The following KLHDC10 variants were observed in gnomAD, a reference collection of about 807,000 sequenced individuals.
KLHDC10 encodes kelch domain containing 10.
Under a neutral mutation model 56.1 loss-of-function variants are expected in KLHDC10, and 24 were observed. That is an observed-to-expected ratio of 0.43 (90% CI 0.31 to 0.60). The LOEUF (loss-of-function observed/expected upper bound fraction) is 0.60. Among genes scored for constraint, KLHDC10 ranks in the 20% least tolerant of loss-of-function variants. The probability of loss-of-function intolerance (pLI) is 0.11; values close to 1 mark genes in which losing one functional copy is unlikely to be tolerated. For missense variants in KLHDC10, 349 were observed against 567.0 expected, an observed-to-expected ratio of 0.62 and a Z score of 3.91; for synonymous variants, 188 against 207.1, an observed-to-expected ratio of 0.91 and a Z score of 0.79.
intron 2 of KLHDC10, among the ~76,000 whole-genome samples, chr7:130,107,760 C>T (rs1011335514): frequency 6.9e-6 from 1 of 144,786 alleles, no homozygotes. Context: ...GGGAGAATTG[C>T]TCGAACCCAG....
intron 1 of KLHDC10, among the ~76,000 whole-genome samples, chr7:130,073,094 C>T (rs1273544081): frequency 6.7e-6 from 1 of 149,860 alleles, no homozygotes; most frequent in Non-Finnish European, 1.5e-5. Context: ...AGCGGCTGGT[C>T]GTGGTGGCTC....
chr7:130,101,831 G>GT (rs2116877769), intron 2 of KLHDC10, among the ~76,000 whole-genome samples: 1 of 152,058 alleles, frequency 6.6e-6, no homozygotes, highest in East Asian at 1.9e-4. Context: ...TTAGCCGGGC[G>GT]TGGTAGCAGG....
intron 1 of KLHDC10, among the ~76,000 whole-genome samples, chr7:130,083,228 A>G (rs1170657737): frequency 2.0e-5 from 3 of 152,116 alleles, no homozygotes; most frequent in African/African-American, 7.2e-5. Context: ...TATATCATCA[A>G]TTTAGTGAGT....
At chr7:130,072,727 A>C (rs1279663546) in intron 1 of KLHDC10, among the ~76,000 whole-genome samples, 1 of 151,382 alleles carries the variant, frequency 6.6e-6, no homozygotes, top group East Asian at 1.9e-4. Flanking sequence ...CGGGCCTTGG[A>C]GATAAAACCT....
chr7:130,084,692 G>A (rs1250553208), intron 1 of KLHDC10, among the ~76,000 whole-genome samples: 2 of 151,676 alleles, frequency 1.3e-5, no homozygotes, highest in Non-Finnish European at 2.9e-5. Context: ...CACAAGAATT[G>A]CTTGAACCCA....
chr7:130,127,414 A>G lies in KLHDC10; in HGVS notation c.942A>G (p.Ala314=). Residue 314 remains alanine, a synonymous_variant, in exon 8 of 10, where the codon GCA becomes GCG. Transcript: ENST00000335420. ...TKPHEKIGFP[A]ARRCHSCVQI... The stretch of plus-strand genomic sequence containing the variant: ...TTGTGTGTTTGGCAGGCTTTCCTGC[A>G]GCCCGAAGGTGTCACAGTTGTGTTC... 3.1e-6 allele frequency: 5 copies of G among 1,613,650 alleles called. No homozygotes were observed. The highest frequency in any genetic ancestry group is 4.2e-6 in the Non-Finnish European group (5 of 1,179,562).
At chr7:130,126,169 T>A (rs1796313406) in intron 7 of KLHDC10, among the ~76,000 whole-genome samples, 1 of 151,762 alleles carries the variant, frequency 6.6e-6, no homozygotes, top group South Asian at 2.1e-4. Flanking sequence ...TACAAAAAAA[T>A]TTGCTGGGCC....
intron 1 of KLHDC10, among the ~76,000 whole-genome samples, chr7:130,077,559 T>C (rs920574265): frequency 2.4e-4 from 33 of 137,558 alleles, no homozygotes; most frequent in South Asian, 4.9e-4. Context: ...TTCTTTCTTT[T>C]TTTTTTTTTT....
intron 1 of KLHDC10, among the ~76,000 whole-genome samples, chr7:130,089,843 A>G (rs1795746258): frequency 6.6e-6 from 1 of 152,084 alleles, no homozygotes; most frequent in African/African-American, 2.4e-5. Context: ...TAGCCACCTA[A>G]GTCAGAATTC....
At chr7:130,083,347 T>G (rs566935260) in intron 1 of KLHDC10, among the ~76,000 whole-genome samples, 1 of 152,322 alleles carries the variant, frequency 6.6e-6, no homozygotes, top group South Asian at 2.1e-4. Flanking sequence ...CTCCTTACCC[T>G]CACTCTATTT....
Position 130,135,091 on chromosome 7 carries a change from G to GAAAA in KLHDC10, c.*4363_*4366dup, listed in dbSNP as rs10707873. The GAAAA allele has an allele frequency of 7.0e-5, 9 of 127,912 alleles. No homozygotes were observed. The highest frequency in any genetic ancestry group is 2.1e-4 in the African/African-American group (6 of 29,042). The allele number at this position is 127,912 out of a possible 1,614,324, so 7.9% of individuals were successfully genotyped here. ...GGTGTAATTTTCATGTTTTTAATTT[G>GAAAA]AAAAAAAAAAAAAAAAAAAAACAAC... is the stretch of plus-strand genomic sequence containing the variant. On this transcript the variant is annotated 3_prime_UTR_variant, in exon 10 of 10. Coordinates refer to ENST00000335420, the MANE Select transcript of KLHDC10 (RefSeq NM_014997.4).
Position 130,135,286 on chromosome 7 carries a change from C to G in KLHDC10, c.*4540C>G, listed in dbSNP as rs1240840181. 3 of 154,320 alleles carry G rather than the reference C, an allele frequency of 1.9e-5. No individual in the cohort carries two copies. In the East Asian group the frequency reaches 5.8e-4, roughly 30 times the overall value. The allele number at this position is 154,320 out of a possible 1,614,324, so 9.6% of individuals were successfully genotyped here. A position where few individuals can be genotyped will look rare whatever the true frequency, so the allele number is the denominator to read the frequency against. On this transcript the variant is annotated 3_prime_UTR_variant, in exon 10 of 10. Transcript: ENST00000335420. ...TCAGAAAACACACTCTCTAAAGCCA[C>G]TTCCTTGTGCACAGAGTCTGCACAG... is the stretch of plus-strand genomic sequence containing the variant.
At position 130,130,424 on chromosome 7, in the gene KLHDC10, G is replaced by A. The variant is rs1343704902; in HGVS notation, c.1120-113G>A. The A allele has an allele frequency of 1.3e-6, 1 of 791,160 alleles. No homozygotes were observed. The highest frequency in any genetic ancestry group is 1.7e-5 in the African/African-American group (1 of 59,000). The allele number at this position is 791,160 out of a possible 1,614,324, so 49.0% of individuals were successfully genotyped here. On this transcript the variant is annotated intron_variant, in intron 9 of 9. Transcript: ENST00000335420. This position sits in a 1 kb window ranked among gnomAD's most constrained non-coding sequence, Gnocchi z 4.2. Reference sequence around the variant, plus strand: ...TCCACATGGTATTGGGATCAGTGAGGAATTCTTGTTTCATTTCATTTTGAT... The same window carrying A: ...TCCACATGGTATTGGGATCAGTGAGAAATTCTTGTTTCATTTCATTTTGAT...
intron 1 of KLHDC10, among the ~76,000 whole-genome samples, chr7:130,083,187 C>T (rs1795632760): frequency 6.6e-6 from 1 of 152,188 alleles, no homozygotes; most frequent in Non-Finnish European, 1.5e-5. Flanking sequence ...TTACTTCATC[C>T]TGTGCTCCTT....
At chr7:130,090,070 G>A (rs1795750181) in intron 1 of KLHDC10, among the ~76,000 whole-genome samples, 1 of 151,974 alleles carries the variant, frequency 6.6e-6, no homozygotes, top group African/African-American at 2.4e-5. Context: ...TTTTAGTAGA[G>A]ACGGAGTTTC....
chr7:130,117,279 G>C (rs1796180965), intron 3 of KLHDC10, among the ~76,000 whole-genome samples: 1 of 152,190 alleles, frequency 6.6e-6, no homozygotes, highest in African/African-American at 2.4e-5. Context: ...ACTTATCAGG[G>C]TGGTGGTTGC....
chr7:130,080,824 A>G (rs910006533), intron 1 of KLHDC10, among the ~76,000 whole-genome samples: 4 of 152,170 alleles, frequency 2.6e-5, no homozygotes, highest in Non-Finnish European at 5.9e-5. Context: ...GTGCGAATTG[A>G]CCAAGGTATT....
chr7:130,081,252 G>A (rs62491312), intron 1 of KLHDC10, among the ~76,000 whole-genome samples: 8,029 of 152,008 alleles, frequency 0.053, 254 homozygotes, highest in South Asian at 0.13. Context: ...ACCCGCCTCG[G>A]CCTCCCAAAG....
At chr7:130,128,889 A>AAAAATATATATAT in intron 8 of KLHDC10, among the ~76,000 whole-genome samples, 5 of 66,956 alleles carry the variant, frequency 7.5e-5, no homozygotes, top group Admixed American at 1.5e-4. Flanking sequence ...AAAAAAAAAA[A>AAAAATATATATAT]ATATATATAT....
Sources: gnomAD v4.1 joint callset for allele counts (sites outside exome capture counted in the v4.1 genomes callset) on GRCh38, gnomAD v4.1.1 for gene constraint, Gnocchi (gnomAD v3.1) non-coding constraint, MANE v1.5 for transcripts, NCBI Gene and HGNC (gene_info 2026-07-23, HGNC 2026-07-21) for gene names.